Variants in TLCD4 observed in about 807,000 individuals in gnomAD.
The protein encoded by TLCD4 is TLC domain-containing protein 4.
Under a neutral mutation model 24.2 loss-of-function variants are expected in TLCD4, and 7 were observed. The observed-to-expected ratio is 0.29, with a 90% CI of 0.16 to 0.54. TLCD4 has a LOEUF of 0.54. TLCD4 is among the 20% of genes least tolerant of loss of function. The pLI, the probability that TLCD4 is intolerant of heterozygous loss-of-function variation, is 0.95. For synonymous variants in TLCD4, 103 were observed against 106.4 expected, an observed-to-expected ratio of 0.97 and a Z score of 0.20; for missense variants, 259 against 313.9, an observed-to-expected ratio of 0.82 and a Z score of 1.32.
chr1:95,158,060 A>G (rs930865274), intron 5 of TLCD4, among the ~76,000 whole-genome samples: 3 of 152,120 alleles, frequency 2.0e-5, no homozygotes, highest in African/African-American at 7.2e-5. Flanking sequence ...TTTAATGTTC[A>G]TACCTCTATT....
At chr1:95,190,399 C>T (rs1335603313) in intron 6 of TLCD4, among the ~76,000 whole-genome samples, 1 of 151,490 alleles carries the variant, frequency 6.6e-6, no homozygotes, top group African/African-American at 2.4e-5. Context: ...GGTGTGATCT[C>T]GGCTCATTGC....
At chr1:95,109,477 C>A in the TLCD4 span, among the ~76,000 whole-genome samples, 1 of 148,046 alleles carries the variant, frequency 6.8e-6, no homozygotes, top group Non-Finnish European at 1.5e-5. Flanking sequence ...ATGTTTTTCT[C>A]ATGTAAGTTT....
upstream of TLCD4, among the ~76,000 whole-genome samples, chr1:95,113,456 A>G (rs572731457): frequency 3.3e-5 from 5 of 152,294 alleles, no homozygotes; most frequent in South Asian, 1.0e-3. Context: ...ATACCATAAG[A>G]TGTCAATAAA....
intron 6 of TLCD4, among the ~76,000 whole-genome samples, chr1:95,181,607 T>TTTATTTATTTA (rs1557697278): frequency 7.4e-4 from 105 of 141,640 alleles, no homozygotes; most frequent in African/African-American, 2.7e-3. Context: ...TTATTTATTT[T>TTTATTTATTTA]TTTTTTTGAG....
chr1:95,100,116 G>A, the TLCD4 span, among the ~76,000 whole-genome samples: 1 of 151,636 alleles, frequency 6.6e-6, no homozygotes, highest in Admixed American at 6.6e-5. Flanking sequence ...AAAAAAATAT[G>A]TATATGCATA....
intron 5 of TLCD4, among the ~76,000 whole-genome samples, chr1:95,171,777 G>C (rs576083419): frequency 6.6e-6 from 1 of 152,252 alleles, no homozygotes; most frequent in Admixed American, 6.5e-5. Flanking sequence ...TTGGGATTGG[G>C]CATTGTTACA....
At chr1:95,155,147 T>C (rs1016106517) in intron 5 of TLCD4, among the ~76,000 whole-genome samples, 18 of 151,712 alleles carry the variant, frequency 1.2e-4, no homozygotes, top group South Asian at 2.1e-4. Flanking sequence ...AGTTCTCTTT[T>C]CCCCCCCACC....
intron 5 of TLCD4, among the ~76,000 whole-genome samples, chr1:95,167,566 T>C (rs1414864046): frequency 1.3e-5 from 2 of 151,954 alleles, no homozygotes; most frequent in Non-Finnish European, 2.9e-5. Context: ...AACACCAAGC[T>C]CTGTGCCAAA....
chr1:95,196,418 G>T lies in TLCD4; in HGVS notation c.*4550G>T, dbSNP rs1487986794. On this transcript the variant is annotated 3_prime_UTR_variant, in exon 7 of 7. Coordinates refer to ENST00000370203, the MANE Select transcript of TLCD4 (RefSeq NM_152487.3). ...TGAAAACAAATTTACCAGCAACTGC[G>T]TTACTTGGTGTTTTCCAAAGTACAA... 2 of 152,124 alleles carry T rather than the reference G, an allele frequency of 1.3e-5. No individual in the cohort carries two copies. Among genetic ancestry groups the T allele is most frequent in the Non-Finnish European group, 2.9e-5 (2 of 68,022 alleles). 9.4% of individuals were successfully genotyped at this position (152,124 alleles called of 1,614,324 possible).
chr1:95,174,015 A>G, intron 6 of TLCD4, 126 bp downstream of exon 6: 1 of 1,338,584 alleles, frequency 7.5e-7, no homozygotes, highest in Non-Finnish European at 1.0e-6. Flanking sequence ...AATTGTTATC[A>G]CCATCATACA....
chr1:95,176,672 T>A (rs1678441997), intron 6 of TLCD4, among the ~76,000 whole-genome samples: 2 of 152,226 alleles, frequency 1.3e-5, no homozygotes, highest in South Asian at 4.1e-4. Context: ...TTGTCAGTTT[T>A]CGTTTTTGTT....
rs1383523887 is a variant in TLCD4, at chr1:95,157,101, G to A, written c.399+5682G>A. ...CTGAGATAAATAATGTTTTAGCAGA[G>A]GCCATTTAAAAAAGCTGTTTTAGGT... is the stretch of plus-strand genomic sequence containing the variant. On this transcript the variant is annotated intron_variant, in intron 5 of 6. Coordinates refer to ENST00000370203, the MANE Select transcript of TLCD4 (RefSeq NM_152487.3). 5.3e-5 allele frequency among the ~76,000 whole-genome samples: 8 copies of A among 152,128 alleles called. No individual in the cohort carries two copies. The East Asian group carries it at 9.6e-4, about 18-fold the overall frequency.
intron 5 of TLCD4, chr1:95,163,569 G>A (rs1178758510): frequency 6.6e-6 from 1 of 152,190 alleles, no homozygotes; most frequent in Non-Finnish European, 1.5e-5. Flanking sequence ...TTACTTTGGA[G>A]GAGAATAGGT....
At chr1:95,141,922 G>A (rs890955368) in intron 1 of TLCD4, among the ~76,000 whole-genome samples, 3 of 152,022 alleles carry the variant, frequency 2.0e-5, no homozygotes, top group East Asian at 3.9e-4. Flanking sequence ...TATCCTGGTT[G>A]GAAGGGAATG....
At chr1:95,186,932 GT>G (rs1477984707) in intron 6 of TLCD4, among the ~76,000 whole-genome samples, 1 of 151,952 alleles carries the variant, frequency 6.6e-6, no homozygotes, top group East Asian at 1.9e-4. Flanking sequence ...TTAATTTTTA[GT>G]TTCTTATGTT....
chr1:95,141,651 T>C (rs1677199920), intron 1 of TLCD4, among the ~76,000 whole-genome samples: 1 of 152,180 alleles, frequency 6.6e-6, no homozygotes, highest in Non-Finnish European at 1.5e-5. Context: ...ATTGTTTGGT[T>C]AATATTAAAC....
chr1:95,162,067 G>C (rs1483993046), intron 5 of TLCD4, among the ~76,000 whole-genome samples: 2 of 152,122 alleles, frequency 1.3e-5, no homozygotes, highest in Non-Finnish European at 2.9e-5. Context: ...GTAACTTTCT[G>C]TCTCGTTGAT....
At chr1:95,099,792 G>C in the TLCD4 span, among the ~76,000 whole-genome samples, 1 of 151,546 alleles carries the variant, frequency 6.6e-6, no homozygotes, top group Non-Finnish European at 1.5e-5. Flanking sequence ...AACTCTATTA[G>C]GTATTATCCC....
Position 95,195,092 on chromosome 1 carries a change from T to G in TLCD4, c.*3224T>G, listed in dbSNP as rs1679152679. The G allele has an allele frequency of 6.6e-6, 1 of 152,202 alleles. No individual in the cohort carries two copies. Among genetic ancestry groups the G allele is most frequent in the Non-Finnish European group, 1.5e-5 (1 of 68,018 alleles). The allele number at this position is 152,202 out of a possible 1,614,324, so 9.4% of individuals were successfully genotyped here. On this transcript the variant is annotated 3_prime_UTR_variant, in exon 7 of 7. Transcript: ENST00000370203. ...GTCTAGTTTTAAAAACTGCCTAGTT[T>G]GTAAGTATTTGAATCCAGTTCTTTT...
Sources: allele counts gnomAD v4.1 joint callset (sites outside exome capture counted in the v4.1 genomes callset), GRCh38; gene constraint gnomAD v4.1.1; transcripts MANE v1.5; gene names NCBI Gene and HGNC (gene_info 2026-07-23, HGNC 2026-07-21).